Variants in TRAPPC14 observed in about 807,000 individuals in gnomAD.
TRAPPC14 encodes trafficking protein particle complex subunit 14, also known as microtubule associated protein 11.
Under a neutral mutation model 56.6 loss-of-function variants are expected in TRAPPC14, and 24 were observed. The observed-to-expected ratio is 0.42, with a 90% CI of 0.31 to 0.60. The LOEUF (loss-of-function observed/expected upper bound fraction) is 0.60. Among genes scored for constraint, TRAPPC14 ranks in the 20% least tolerant of loss-of-function variants. TRAPPC14 has a pLI of 0.14. For missense variants in TRAPPC14, 615 were observed against 790.3 expected (o/e 0.78, Z 2.66); for synonymous variants, 377 against 347.0 (o/e 1.09, Z -0.96).
intron 4 of TRAPPC14, 24 bp downstream of exon 4, chr7:100,157,349 G>A (rs558982591): frequency 1.9e-6 from 3 of 1,613,112 alleles, no homozygotes; most frequent in African/African-American, 2.7e-5. Context: ...GCTCCCGGAG[G>A]CTGGAGCCGG....
chr7:100,155,879 G>A (rs1798868138), intron 8 of TRAPPC14, 54 bp from the exon 9 acceptor site: 2 of 1,609,198 alleles, frequency 1.2e-6, no homozygotes, highest in Non-Finnish European at 1.7e-6. Flanking sequence ...ATTCCCACAG[G>A]GCCTTCGCCA....
chr7:100,157,319 A>G, intron 4 of TRAPPC14, 54 bp downstream of exon 4: 3 of 1,609,064 alleles, frequency 1.9e-6, no homozygotes, highest in Non-Finnish European at 2.6e-6. Flanking sequence ...GAGGAACTGC[A>G]TCCAATCAGT....
chr7:100,157,597 G>C (rs1054359991), intron 3 of TRAPPC14, 36 bp downstream of exon 3: 1 of 1,611,180 alleles, frequency 6.2e-7, no homozygotes, highest in African/African-American at 1.3e-5. Context: ...CCAATTCCCA[G>C]ACTCTAGCCC....
chr7:100,156,579 G>C (rs775622645), intron 7 of TRAPPC14, 30 bp from the exon 8 acceptor site: 2 of 1,613,054 alleles, frequency 1.2e-6, no homozygotes, highest in Non-Finnish European at 1.7e-6. Flanking sequence ...GATGCTGGCT[G>C]TGTGTGTCAG....
chr7:100,158,453 A>G lies in TRAPPC14; in HGVS notation c.47T>C (p.Leu16Pro). Residue 16 changes from leucine to proline, a missense_variant, in exon 1 of 11, where the codon CTG (leucine) becomes CCG (proline). Transcript: ENST00000316937. ...DYSMYFPAVPLPPRAELAGDP... is the reference protein window; with the variant it reads ...DYSMYFPAVPPPPRAELAGDP... The stretch of plus-strand genomic sequence containing the variant: ...CCCTGCCAGCTCCGCGCGCGGCGGC[A>G]GCGGCACGGCCGGGAAGTACATCGA... 2 of 1,393,996 alleles carry G rather than the reference A, an allele frequency of 1.4e-6. No individual in the cohort carries two copies. Among genetic ancestry groups the G allele is most frequent in the Non-Finnish European group, 1.9e-6 (2 of 1,076,688 alleles). 86.4% of individuals were successfully genotyped at this position (1,393,996 alleles called of 1,614,324 possible).
chr7:100,156,786 G>C (rs1232126708), intron 6 of TRAPPC14, 59 bp downstream of exon 6: 1 of 1,604,248 alleles, frequency 6.2e-7, no homozygotes, highest in Non-Finnish European at 8.5e-7. Context: ...CAGCTGCCTG[G>C]TCTTTCCCTC....
At position 100,156,488 on chromosome 7, in the gene TRAPPC14, C is replaced by T. The variant is rs917483116; in HGVS notation, c.1138G>A (p.Val380Ile). Residue 380 changes from valine (V) to isoleucine (I), a missense_variant, in exon 8 of 11, where the codon GTT (valine) becomes ATT (isoleucine). Transcript: ENST00000316937. ...ACAGTGAAACGCTCGTAGGTCCGAA[C>T]AGGGGACTTACAAGAAGCGGTCATC... Reference protein sequence around the residue: ...FVMTASCKSPVRTYERFTVTY... With the variant: ...FVMTASCKSPIRTYERFTVTY... 7 of 1,613,998 alleles carry T rather than the reference C, an allele frequency of 4.3e-6. No individual in the cohort carries two copies. The African/African-American group carries it at 8.0e-5, about 18-fold the overall frequency.
rs893843642 is a variant in TRAPPC14 at position 100,156,476 on chromosome 7, C to T, written c.1150G>A (p.Glu384Lys). 2 of 1,614,106 alleles carry T rather than the reference C, an allele frequency of 1.2e-6. No individual in the cohort carries two copies. The highest frequency in any genetic ancestry group is 1.7e-5 in the Admixed American group (1 of 60,008). Residue 384 changes from glutamate to lysine, a missense_variant, in exon 8 of 11, where the codon GAG becomes AAG. By Grantham distance (56) the Glu-to-Lys change is moderately conservative. Transcript: ENST00000316937. ...AGCGTGTAGGTGACAGTGAAACGCTCGTAGGTCCGAACAGGGGACTTACAA... is the reference window on the plus strand; with the variant it reads ...AGCGTGTAGGTGACAGTGAAACGCTTGTAGGTCCGAACAGGGGACTTACAA... Reference protein sequence around the residue: ...ASCKSPVRTYERFTVTYTLLN... With the variant: ...ASCKSPVRTYKRFTVTYTLLN...
Position 100,154,844 on chromosome 7 carries a change from C to G in TRAPPC14, c.*167G>C. On this transcript the variant is annotated 3_prime_UTR_variant, in exon 11 of 11. Coordinates refer to ENST00000316937, the MANE Select transcript of TRAPPC14 (RefSeq NM_018275.5). Reference sequence around the variant, plus strand: ...GTCCCAGCCATGCCCGCCCACTTCACAGCTTCTTCCCCCATCCCTCATCAG... The same window carrying G: ...GTCCCAGCCATGCCCGCCCACTTCAGAGCTTCTTCCCCCATCCCTCATCAG... 1.5e-6 allele frequency: 1 copy of G among 673,586 alleles called. No homozygotes were observed. The highest frequency in any genetic ancestry group is 2.6e-6 in the Non-Finnish European group (1 of 387,154). 41.7% of individuals were successfully genotyped at this position (673,586 alleles called of 1,614,324 possible).
At position 100,154,606 on chromosome 7, in the gene TRAPPC14, C is replaced by A; in HGVS notation, c.*405G>T. 4.0e-6 allele frequency: 1 copy of A among 250,410 alleles called. No individual in the cohort carries two copies. The highest frequency in any genetic ancestry group is 5.1e-5 in the Admixed American group (1 of 19,452). The allele number at this position is 250,410 out of a possible 1,614,324, so 15.5% of individuals were successfully genotyped here. A position where few individuals can be genotyped will look rare whatever the true frequency, so the allele number is the denominator to read the frequency against. On this transcript the variant is annotated 3_prime_UTR_variant, in exon 11 of 11. Transcript: ENST00000316937. ...GAGACAGGAAGGTCACTGTCAGGGG[C>A]CCTTAGCCATCACCACCCTCTAATC... is the stretch of plus-strand genomic sequence containing the variant.
In TRAPPC14 at chr7:100,157,835, C is replaced by T. The variant is rs1253744355; in HGVS notation, c.507+8G>A. ...TTAGGACAATAGCTCCACTCTTGCT[C>T]ATCTTACCTTGGCCTTAGGTGTCCC... On this transcript the variant is annotated splice_region_variant and intron_variant, in intron 2 of 10. Coordinates refer to ENST00000316937, the MANE Select transcript of TRAPPC14 (RefSeq NM_018275.5). 1.2e-6 allele frequency: 2 copies of T among 1,608,650 alleles called. No individual in the cohort carries two copies. The highest frequency in any genetic ancestry group is 8.5e-7 in the Non-Finnish European group (1 of 1,176,262).
rs747822315 is a variant in TRAPPC14 at position 100,157,404 on chromosome 7, A to G, written c.693T>C (p.Thr231=). Residue 231 remains threonine, a synonymous_variant, in exon 4 of 11, where the codon ACT becomes ACC. Coordinates refer to ENST00000316937, the MANE Select transcript of TRAPPC14 (RefSeq NM_018275.5). ...PPPVLRCRQF[T]VAGKHLTVLK... The stretch of plus-strand genomic sequence containing the variant: ...GCACGGTCAAGTGTTTTCCAGCCAC[A>G]GTGAACTGCCGGCATCTCAGAACCG... 1 of 1,614,132 alleles carries G rather than the reference A, an allele frequency of 6.2e-7. No individual in the cohort carries two copies. The highest frequency in any genetic ancestry group is 8.5e-7 in the Non-Finnish European group (1 of 1,180,024).
intron 8 of TRAPPC14, 186 bp from the exon 9 acceptor site, chr7:100,156,011 T>C: frequency 1.2e-6 from 1 of 807,892 alleles, no homozygotes; most frequent in East Asian, 2.5e-5. Flanking sequence ...TCACGTATAT[T>C]AACTCAGTAT....
rs1345727729 is a variant in TRAPPC14 at position 100,155,738 on chromosome 7, A to G, written c.1328T>C (p.Phe443Ser). 1 of 1,614,100 alleles carries G rather than the reference A, an allele frequency of 6.2e-7. No individual in the cohort carries two copies. The highest frequency in any genetic ancestry group is 8.5e-7 in the Non-Finnish European group (1 of 1,180,036). The change falls in exon 9 of 11, where the codon TTT becomes TCT. Residue 443 changes from phenylalanine to serine, a missense_variant. Transcript: ENST00000316937. Reference sequence around the variant, plus strand: ...GGTGAGCGCGCTGCCCTTCCGGGAAAAGCCAAGGTTGTTGAGGGGCGTGTG... The same window carrying G: ...GGTGAGCGCGCTGCCCTTCCGGGAAGAGCCAAGGTTGTTGAGGGGCGTGTG... ...VCHTPLNNLG[F>S]SRKGSALTFS...
In TRAPPC14 at chr7:100,156,736, G is replaced by C. The variant is rs754237781; in HGVS notation, c.994-20C>G. 6.2e-7 allele frequency: 1 copy of C among 1,604,648 alleles called. No homozygotes were observed. Among genetic ancestry groups the C allele is most frequent in the South Asian group, 1.1e-5 (1 of 89,574 alleles). On this transcript the variant is annotated intron_variant, in intron 6 of 10. Transcript: ENST00000316937. ...CAGGCCCTGCAGGAGGGACAAAGGG[G>C]GTTGGCACAGGTATTAAGAGTGCCC...
rs1463097277 is a variant in TRAPPC14 at position 100,155,789 on chromosome 7, T to A, written c.1277A>T (p.Gln426Leu). 5.6e-6 allele frequency: 9 copies of A among 1,614,198 alleles called. No homozygotes were observed. The East Asian group carries it at 2.0e-4, about 36-fold the overall frequency. Residue 426 changes from glutamine to leucine, a missense_variant, in exon 9 of 11, where the codon CAG becomes CTG. Gln to Leu is a moderately radical substitution (Grantham distance 113). Coordinates refer to ENST00000316937, the MANE Select transcript of TRAPPC14 (RefSeq NM_018275.5). Reference sequence around the variant, plus strand: ...GCAGACGACGGAGTCCAGGGCAGCCTGCATGGCCCGGCGCTCCTCCTCACA... The same window carrying A: ...GCAGACGACGGAGTCCAGGGCAGCCAGCATGGCCCGGCGCTCCTCCTCACA... ...QLCEEERRAM[Q>L]AALDSVVCHT...
chr7:100,158,221 C>G lies in TRAPPC14; in HGVS notation c.279G>C (p.Gly93=), dbSNP rs919918381. Residue 93 remains glycine, a synonymous_variant, in exon 1 of 11, where the codon GGG becomes GGC. Coordinates refer to ENST00000316937, the MANE Select transcript of TRAPPC14 (RefSeq NM_018275.5). ...AATCCTGGTCGCCGGCGCCGCCGCC[C>G]CCCGGCATCCCGCCTCCGGCGCTGA... ...ASVSAGGGMP[G]GGGAGDQDSE... 27 of 1,468,940 alleles carry G rather than the reference C, an allele frequency of 1.8e-5. No individual in the cohort carries two copies. The highest frequency in any genetic ancestry group is 2.4e-5 in the Non-Finnish European group (27 of 1,117,978). 91.0% of individuals were successfully genotyped at this position (1,468,940 alleles called of 1,614,324 possible). A position where few individuals can be genotyped will look rare whatever the true frequency, so the allele number is the denominator to read the frequency against.
In TRAPPC14 at chr7:100,158,493, A is replaced by C; in HGVS notation, c.7T>G (p.Ser3Ala). 7.5e-7 allele frequency: 1 copy of C among 1,333,360 alleles called. No individual in the cohort carries two copies. The highest frequency in any genetic ancestry group is 2.0e-5 in the South Asian group (1 of 50,666). The allele number at this position is 1,333,360 out of a possible 1,614,324, so 82.6% of individuals were successfully genotyped here. A position where few individuals can be genotyped will look rare whatever the true frequency, so the allele number is the denominator to read the frequency against. ME[S>A]QCDYSMYFPA... Reference sequence around the variant, plus strand: ...AAGTACATCGAGTAGTCGCACTGGGACTCCATGGGGCGGCGAGGACGGCGC... The same window carrying C: ...AAGTACATCGAGTAGTCGCACTGGGCCTCCATGGGGCGGCGAGGACGGCGC... The change falls in exon 1 of 11, where the codon TCC becomes GCC. Residue 3 changes from serine to alanine, a missense_variant. Transcript: ENST00000316937.
Position 100,158,464 on chromosome 7 carries a change from C to T in TRAPPC14, c.36G>A (p.Pro12=). 1 of 1,381,824 alleles carries T rather than the reference C, an allele frequency of 7.2e-7. No homozygotes were observed. The highest frequency in any genetic ancestry group is 9.3e-7 in the Non-Finnish European group (1 of 1,071,016). The allele number at this position is 1,381,824 out of a possible 1,614,324, so 85.6% of individuals were successfully genotyped here. The change falls in exon 1 of 11, where the codon CCG becomes CCA. Residue 12 remains proline (P), a synonymous_variant. Transcript: ENST00000316937. ...ESQCDYSMYF[P]AVPLPPRAEL... ...CCGCGCGCGGCGGCAGCGGCACGGC[C>T]GGGAAGTACATCGAGTAGTCGCACT...
Sources: gnomAD v4.1 joint callset for allele counts on GRCh38, gnomAD v4.1.1 for gene constraint, MANE v1.5 for transcripts, NCBI Gene and HGNC (gene_info 2026-07-23, HGNC 2026-07-21) for gene names.